The following SLC38A12 variants were observed in gnomAD, a reference collection of about 807,000 sequenced individuals.
SLC38A12 encodes the protein putative sodium-coupled neutral amino acid transporter 12.
At chr17:74,794,947 G>GAA in the SLC38A12 span, 145 of 1,027,030 alleles carry the variant, frequency 1.4e-4, no homozygotes, top group African/African-American at 3.1e-4. Flanking sequence ...AAAAGAAGAA[G>GAA]AAAAAAAAAA....
chr17:74,811,896 A>C, the SLC38A12 span, among the ~76,000 whole-genome samples: 1 of 151,986 alleles, frequency 6.6e-6, no homozygotes, highest in Non-Finnish European at 1.5e-5. Context: ...ATAATAATTA[A>C]TTAGCAGAAT....
At chr17:74,787,591 C>T in the SLC38A12 span, among the ~76,000 whole-genome samples, 1 of 149,320 alleles carries the variant, frequency 6.7e-6, no homozygotes, top group Non-Finnish European at 1.5e-5. Context: ...CACTGCAGTC[C>T]GCAGTCCGGC....
chr17:74,832,718 G>A, the SLC38A12 span, among the ~76,000 whole-genome samples: 1 of 152,242 alleles, frequency 6.6e-6, no homozygotes, highest in East Asian at 1.9e-4. Flanking sequence ...GTGACCAAGG[G>A]GAGTTCACGA....
the SLC38A12 span, among the ~76,000 whole-genome samples, chr17:74,832,774 T>G: frequency 2.6e-5 from 4 of 152,244 alleles, no homozygotes; most frequent in Non-Finnish European, 4.4e-5. Context: ...CAGGTGTTTA[T>G]CCCACTTTCT....
chr17:74,837,060 T>C, the SLC38A12 span: 1 of 1,036,644 alleles, frequency 9.6e-7, no homozygotes, highest in Non-Finnish European at 1.2e-6. Context: ...ACTGCCATCA[T>C]TTGTCCCAGA....
the SLC38A12 span, chr17:74,838,603 A>T: frequency 7.7e-7 from 1 of 1,307,140 alleles, no homozygotes. Context: ...GCCAGCAGTG[A>T]CCACATCGCT....
At chr17:74,808,354 G>A in the SLC38A12 span, among the ~76,000 whole-genome samples, 6 of 152,254 alleles carry the variant, frequency 3.9e-5, no homozygotes, top group African/African-American at 7.2e-5. Flanking sequence ...GACCTGTTTC[G>A]AATCCCTGCC....
At chr17:74,789,945 TTG>T in the SLC38A12 span, among the ~76,000 whole-genome samples, 3 of 107,540 alleles carry the variant, frequency 2.8e-5, no homozygotes, top group Non-Finnish European at 5.9e-5. Context: ...TCTTTCTTTT[TTG>T]TTTTTTTGTT....
the SLC38A12 span, among the ~76,000 whole-genome samples, chr17:74,835,494 A>C: frequency 1.3e-5 from 2 of 152,022 alleles, no homozygotes; most frequent in Non-Finnish European, 2.9e-5. Context: ...CCTTAAACCA[A>C]GGGAGAGAGG....
the SLC38A12 span, chr17:74,777,172 A>C: frequency 1.3e-6 from 1 of 779,876 alleles, no homozygotes; most frequent in Non-Finnish European, 2.2e-6. Flanking sequence ...GTCTGTGATA[A>C]AAGAACCAGA....
the SLC38A12 span, among the ~76,000 whole-genome samples, chr17:74,829,273 G>A: frequency 2.6e-5 from 4 of 152,094 alleles, no homozygotes; most frequent in South Asian, 2.1e-4. This position sits in a 1 kb window ranked among gnomAD's most constrained non-coding sequence, Gnocchi z 4.1. Context: ...ACAGGCGCCC[G>A]CCACCATGTC....
chr17:74,787,797 C>CTT, the SLC38A12 span, among the ~76,000 whole-genome samples: 102 of 141,526 alleles, frequency 7.2e-4, 2 homozygotes, highest in Admixed American at 1.5e-3. Context: ...CTCAAGTATC[C>CTT]TTTTTTTTTT....
chr17:74,821,319 T>C, the SLC38A12 span, among the ~76,000 whole-genome samples: 2 of 152,234 alleles, frequency 1.3e-5, no homozygotes, highest in Non-Finnish European at 2.9e-5. Flanking sequence ...GGAGGACACC[T>C]GTCCATCCCT....
the SLC38A12 span, among the ~76,000 whole-genome samples, chr17:74,814,830 A>G: frequency 2.0e-5 from 3 of 152,286 alleles, no homozygotes; most frequent in Non-Finnish European, 4.4e-5. Context: ...CCTTGCCCTC[A>G]AGGGGGTTAC....
At chr17:74,777,660 C>G in the SLC38A12 span, 1 of 1,348,828 alleles carries the variant, frequency 7.4e-7, no homozygotes, top group Non-Finnish European at 9.7e-7. Flanking sequence ...TGGCTCACGC[C>G]TGTAATCCCA....
chr17:74,812,715 G>A, the SLC38A12 span, among the ~76,000 whole-genome samples: 21 of 152,286 alleles, frequency 1.4e-4, no homozygotes, highest in African/African-American at 4.8e-4. Flanking sequence ...TCCGTGGTCA[G>A]CTCCCACAGG....
chr17:74,827,029 G>A, the SLC38A12 span, among the ~76,000 whole-genome samples: 4 of 152,280 alleles, frequency 2.6e-5, no homozygotes, highest in African/African-American at 9.6e-5. The surrounding 1 kb of genome is among the most constrained non-coding windows in gnomAD (Gnocchi z 4.7). Flanking sequence ...CCTGGGAACT[G>A]TTCTGACAGC....
chr17:74,790,919 G>A, the SLC38A12 span: 1 of 1,606,584 alleles, frequency 6.2e-7, no homozygotes, highest in Non-Finnish European at 8.5e-7. Context: ...TCCACGTGAA[G>A]AACCACTTCC....
At chr17:74,816,155 G>A in the SLC38A12 span, among the ~76,000 whole-genome samples, 1 of 152,182 alleles carries the variant, frequency 6.6e-6, no homozygotes, top group Non-Finnish European at 1.5e-5. Flanking sequence ...CTCCCTGTCA[G>A]CCCCATCCTT....
Sources: gnomAD v4.1 joint callset for allele counts (sites outside exome capture counted in the v4.1 genomes callset) on GRCh38, gnomAD v4.1.1 for gene constraint, Gnocchi (gnomAD v3.1) non-coding constraint, MANE v1.5 for transcripts, NCBI Gene and HGNC (gene_info 2026-07-23, HGNC 2026-07-21) for gene names.